Variants in ZNF81 observed in about 807,000 individuals in gnomAD.
The protein encoded by ZNF81 is zinc finger protein 81.
Under a neutral mutation model 32.3 loss-of-function variants are expected in ZNF81, and 5 were observed. The observed-to-expected ratio is 0.15, with a 90% CI of 0.08 to 0.33. The LOEUF (loss-of-function observed/expected upper bound fraction) is 0.33. ZNF81 is among the 10% of genes least tolerant of loss of function. The pLI, the probability that ZNF81 is intolerant of heterozygous loss-of-function variation, is 1.00. For missense variants in ZNF81, 379 were observed against 479.8 expected (o/e 0.79, Z 1.96); for synonymous variants, 163 against 166.8 (o/e 0.98, Z 0.17).
At chrX:47,873,279 G>A (rs782002904) in intron 2 of ZNF81, among the ~76,000 whole-genome samples, 19 of 112,151 alleles carry the variant, frequency 1.7e-4, no homozygotes, top group Non-Finnish European at 3.2e-4. Context: ...TCACCAGACG[G>A]CAAGTGAGAA....
Position 47,918,895 on chromosome X carries a change from C to G in ZNF81, c.*2263C>G, listed in dbSNP as rs2058766440. 6.8e-6 allele frequency: 1 copy of G among 147,841 alleles called. No individual in the cohort carries two copies. The highest frequency in any genetic ancestry group is 1.3e-5 in the Non-Finnish European group (1 of 74,716). 12.2% of individuals were successfully genotyped at this position (147,841 alleles called of 1,213,427 possible). A position where few individuals can be genotyped will look rare whatever the true frequency, so the allele number is the denominator to read the frequency against. On this transcript the variant is annotated 3_prime_UTR_variant, in exon 5 of 5. Coordinates refer to ENST00000338637, the MANE Select transcript of ZNF81 (RefSeq NM_007137.5). The stretch of plus-strand genomic sequence containing the variant: ...CTGATATGTGCCTCATGGTCCTCCT[C>G]TTTTTGAATGGGAGTGTCTATTACA...
At chrX:47,868,470 G>T (rs2058568134) in intron 2 of ZNF81, among the ~76,000 whole-genome samples, 1 of 111,443 alleles carries the variant, frequency 9.0e-6, no homozygotes, top group South Asian at 3.8e-4. Context: ...GCCTTGGACT[G>T]TGCAAATGAA....
At chrX:47,890,516 G>C (rs899778073) in intron 3 of ZNF81, among the ~76,000 whole-genome samples, 47 of 111,979 alleles carry the variant, frequency 4.2e-4, no homozygotes, top group African/African-American at 1.5e-3. Flanking sequence ...TCTGCACTGT[G>C]ATTCACCTAT....
At chrX:47,870,576 T>G (rs2058576415) in intron 2 of ZNF81, among the ~76,000 whole-genome samples, 1 of 112,857 alleles carries the variant, frequency 8.9e-6, no homozygotes, top group Non-Finnish European at 1.9e-5. Flanking sequence ...AGAATTATGT[T>G]TATTAAGGAA....
intron 2 of ZNF81, among the ~76,000 whole-genome samples, chrX:47,862,767 A>G (rs1210556006): frequency 9.0e-6 from 1 of 111,170 alleles, no homozygotes; most frequent in Non-Finnish European, 1.9e-5. Context: ...AGTGCCTCAG[A>G]TCTGGAGATC....
At chrX:47,874,651 G>A (rs1265315816) in intron 2 of ZNF81, among the ~76,000 whole-genome samples, 2 of 112,151 alleles carry the variant, frequency 1.8e-5, no homozygotes, top group South Asian at 3.7e-4. Flanking sequence ...CAGATAGGAA[G>A]GGCTGCTGTC....
chrX:47,918,121 C>A lies in ZNF81; in HGVS notation c.*1489C>A, dbSNP rs1556891328. The A allele has an allele frequency of 9.0e-6, 1 of 110,665 alleles. No individual in the cohort carries two copies. The highest frequency in any genetic ancestry group is 1.9e-5 in the Non-Finnish European group (1 of 52,969). The allele number at this position is 110,665 out of a possible 1,213,427, so 9.1% of individuals were successfully genotyped here. A position where few individuals can be genotyped will look rare whatever the true frequency, so the allele number is the denominator to read the frequency against. On this transcript the variant is annotated 3_prime_UTR_variant, in exon 5 of 5. Coordinates refer to ENST00000338637, the MANE Select transcript of ZNF81 (RefSeq NM_007137.5). Reference sequence around the variant, plus strand: ...AGTATCAGTTTGCTTCTTTTAGCTGCATATGATACGATACAGAAAGAGAGA... The same window carrying A: ...AGTATCAGTTTGCTTCTTTTAGCTGAATATGATACGATACAGAAAGAGAGA...
chrX:47,911,878 A>T (rs2058740538), intron 4 of ZNF81, among the ~76,000 whole-genome samples: 2 of 111,298 alleles, frequency 1.8e-5, no homozygotes, highest in African/African-American at 6.6e-5. Flanking sequence ...TTAATGGCAT[A>T]AAAGAAAATG....
chrX:47,846,352 G>A (rs782804886), intron 2 of ZNF81, 31 bp downstream of exon 2: 2 of 1,195,712 alleles, frequency 1.7e-6, no homozygotes, highest in South Asian at 1.8e-5. Context: ...CCCAGGGATT[G>A]GAATTCATCC....
At chrX:47,911,636 C>T (rs1472485418) in intron 4 of ZNF81, among the ~76,000 whole-genome samples, 3 of 111,360 alleles carry the variant, frequency 2.7e-5, no homozygotes, top group South Asian at 3.7e-4. Context: ...AGGAATTCAA[C>T]GAAGATTGTT....
At chrX:47,895,259 T>C (rs782797981) in intron 3 of ZNF81, among the ~76,000 whole-genome samples, 3 of 111,444 alleles carry the variant, frequency 2.7e-5, no homozygotes, top group Non-Finnish European at 5.7e-5. Context: ...TGGGCCCTAC[T>C]CTAATCTGAC....
At chrX:47,844,987 C>A (rs1231085432) in intron 1 of ZNF81, among the ~76,000 whole-genome samples, 5 of 112,124 alleles carry the variant, frequency 4.5e-5, no homozygotes, top group Non-Finnish European at 9.4e-5. Flanking sequence ...GTAAACCTGT[C>A]AATTCCCAAC....
At chrX:47,890,746 G>A (rs2058659521) in intron 3 of ZNF81, among the ~76,000 whole-genome samples, 1 of 111,755 alleles carries the variant, frequency 8.9e-6, no homozygotes, top group Non-Finnish European at 1.9e-5. Context: ...TCAGGAATGT[G>A]TTACCTCCAA....
intron 3 of ZNF81, 66 bp from the exon 4 acceptor site, chrX:47,895,779 A>C: frequency 1.2e-6 from 1 of 804,997 alleles, no homozygotes; most frequent in Non-Finnish European, 1.9e-6. Flanking sequence ...AAATGTGGTT[A>C]CTTCTCCAAA....
At chrX:47,869,816 C>T (rs1323346590) in intron 2 of ZNF81, among the ~76,000 whole-genome samples, 1 of 111,120 alleles carries the variant, frequency 9.0e-6, no homozygotes, top group Non-Finnish European at 1.9e-5. Flanking sequence ...GTGCCTCAGC[C>T]TCCTGAGTAG....
At position 47,846,168 on chromosome X, in the gene ZNF81, T is replaced by C. The variant is rs782735213; in HGVS notation, c.-100T>C. Reference sequence around the variant, plus strand: ...CACAGTGAAAGCTGCAGGATCTTCCTTCTGACCCCAGCAGTCCCCGTTGAG... The same window carrying C: ...CACAGTGAAAGCTGCAGGATCTTCCCTCTGACCCCAGCAGTCCCCGTTGAG... On this transcript the variant is annotated 5_prime_UTR_variant, in exon 2 of 5. Transcript: ENST00000338637. The C allele has an allele frequency of 8.9e-6, 9 of 1,011,325 alleles. No homozygotes were observed. The East Asian group carries it at 3.0e-4, about 34-fold the overall frequency. The allele number at this position is 1,011,325 out of a possible 1,213,427, so 83.3% of individuals were successfully genotyped here.
chrX:47,878,530 A>G (rs1236629409), intron 2 of ZNF81, among the ~76,000 whole-genome samples: 3 of 112,456 alleles, frequency 2.7e-5, no homozygotes, highest in African/African-American at 9.7e-5. Context: ...GAGACTGACC[A>G]TCACATTGGT....
At chrX:47,907,895 T>G (rs1556889356) in intron 4 of ZNF81, among the ~76,000 whole-genome samples, 2 of 111,825 alleles carry the variant, frequency 1.8e-5, no homozygotes, top group African/African-American at 6.5e-5. Context: ...GAAATTGAAC[T>G]TATAATTTAA....
At chrX:47,844,429 CTT>C (rs1204839568) in intron 1 of ZNF81, among the ~76,000 whole-genome samples, 2 of 112,216 alleles carry the variant, frequency 1.8e-5, no homozygotes, top group African/African-American at 6.5e-5. Flanking sequence ...AATATGTGGT[CTT>C]TTGTGACCGG....
Sources: allele counts gnomAD v4.1 joint callset (sites outside exome capture counted in the v4.1 genomes callset), GRCh38; gene constraint gnomAD v4.1.1; transcripts MANE v1.5; gene names NCBI Gene and HGNC (gene_info 2026-07-23, HGNC 2026-07-21).